Variants in IRF5 observed in about 807,000 individuals in gnomAD.
The protein encoded by IRF5 is interferon regulatory factor 5.
In IRF5, 24 loss-of-function variants were observed where a neutral mutation model predicts 55.1. That is an observed-to-expected ratio of 0.44 (90% CI 0.32 to 0.61). The LOEUF (loss-of-function observed/expected upper bound fraction) is 0.61, where lower values mean the gene tolerates loss of function less well. Ranked by LOEUF, IRF5 falls within the 20% of genes least tolerant of loss-of-function variation. The pLI is 0.07. For missense variants in IRF5, 499 were observed against 658.5 expected (o/e 0.76, Z 2.65); for synonymous variants, 258 against 260.2 (o/e 0.99, Z 0.08).
chr7:128,948,921 A>G lies in IRF5; in HGVS notation c.*103A>G. Reference sequence around the variant, plus strand: ...AGCACCTGGCTGGCTGCAGGGTCCTACCTCTGGGTTTCCTGGAAGTGGATT... The same window carrying G: ...AGCACCTGGCTGGCTGCAGGGTCCTGCCTCTGGGTTTCCTGGAAGTGGATT... On this transcript the variant is annotated 3_prime_UTR_variant, in exon 9 of 9. Coordinates refer to ENST00000357234, the MANE Select transcript of IRF5 (RefSeq NM_001098629.3). The surrounding 1 kb of genome is among the most constrained non-coding windows in gnomAD (Gnocchi z 4.6). 7.1e-7 allele frequency: 1 copy of G among 1,399,372 alleles called. No homozygotes were observed. 86.7% of individuals were successfully genotyped at this position (1,399,372 alleles called of 1,614,324 possible).
At chr7:128,942,382 A>G (rs1311517953) in intron 2 of IRF5, 106 bp downstream of exon 2, 8 of 943,714 alleles carry the variant, frequency 8.5e-6, no homozygotes, top group Non-Finnish European at 1.3e-5. Context: ...CCACCCGCCC[A>G]GCTACCATGC....
rs2230117 is a variant in IRF5, at chr7:128,947,991, T to G, written c.1050T>G (p.Leu350=). 3.5e-3 allele frequency: 5,718 copies of G among 1,614,142 alleles called. 19 individuals carry two copies. The highest frequency in any genetic ancestry group is 6.4e-3 in the Middle Eastern group (39 of 6,062). The part of the protein sequence containing the change: ...GLILQLQGQD[L]YAIRLCQCKV... ...TCCTCCAGCTACAGGGCCAGGACCT[T>G]TATGCCATCCGCCTGTGTCAGTGCA... Residue 350 remains leucine (L), a synonymous_variant, in exon 7 of 9, where the codon CTT becomes CTG. Transcript: ENST00000357234. The surrounding 1 kb of genome is among the most constrained non-coding windows in gnomAD (Gnocchi z 6.5).
rs1796481386 is a variant in IRF5, at chr7:128,948,912, C to T, written c.*94C>T. 1.4e-6 allele frequency: 2 copies of T among 1,462,322 alleles called. No individual in the cohort carries two copies. The highest frequency in any genetic ancestry group is 1.3e-5 in the South Asian group (1 of 77,090). 90.6% of individuals were successfully genotyped at this position (1,462,322 alleles called of 1,614,324 possible). ...GCCCCGATGAGCACCTGGCTGGCTG[C>T]AGGGTCCTACCTCTGGGTTTCCTGG... On this transcript the variant is annotated 3_prime_UTR_variant, in exon 9 of 9. Transcript: ENST00000357234. The surrounding 1 kb of genome is among the most constrained non-coding windows in gnomAD (Gnocchi z 4.6).
chr7:128,946,329 G>C lies in IRF5; in HGVS notation c.386-172G>C, dbSNP rs1004205214. Among the ~76,000 whole-genome samples the C allele has an allele frequency of 6.6e-6, 1 of 152,170 alleles. No homozygotes were observed. The highest frequency in any genetic ancestry group is 1.5e-5 in the Non-Finnish European group (1 of 68,028). The stretch of plus-strand genomic sequence containing the variant: ...CCTAGGTCTCATGGCCCATGGAGTC[G>C]GGGAGGTCTTTCCCAATCCTGGTGG... On this transcript the variant is annotated intron_variant, in intron 3 of 8. Coordinates refer to ENST00000357234, the MANE Select transcript of IRF5 (RefSeq NM_001098629.3). This position sits in a 1 kb window ranked among gnomAD's most constrained non-coding sequence, Gnocchi z 4.2.
In IRF5 at chr7:128,946,801, T is replaced by C. The variant is rs1796330840; in HGVS notation, c.448-222T>C. Reference sequence around the variant, plus strand: ...GCAGTTGGGGCTTGGTAGGTCTGACTCCCTGCAGAAGGCAAATGAGGAAAG... The same window carrying C: ...GCAGTTGGGGCTTGGTAGGTCTGACCCCCTGCAGAAGGCAAATGAGGAAAG... On this transcript the variant is annotated intron_variant, in intron 4 of 8. Coordinates refer to ENST00000357234, the MANE Select transcript of IRF5 (RefSeq NM_001098629.3). This position sits in a 1 kb window ranked among gnomAD's most constrained non-coding sequence, Gnocchi z 4.2. 1.5e-6 allele frequency: 1 copy of C among 661,276 alleles called. No individual in the cohort carries two copies. Among genetic ancestry groups the C allele is most frequent in the African/African-American group, 1.8e-5 (1 of 55,688 alleles). The allele number at this position is 661,276 out of a possible 1,614,324, so 41.0% of individuals were successfully genotyped here.
In IRF5 at chr7:128,945,875, G is replaced by C; in HGVS notation, c.226G>C (p.Glu76Gln). 1 of 1,612,780 alleles carries C rather than the reference G, an allele frequency of 6.2e-7. No individual in the cohort carries two copies. The highest frequency in any genetic ancestry group is 8.5e-7 in the Non-Finnish European group (1 of 1,179,658). Residue 76 changes from glutamate to glutamine, a missense_variant, in exon 3 of 9, where the codon GAA becomes CAA. By Grantham distance (29) the Glu-to-Gln change is conservative. This residue lies in a region of IRF5 where 305 missense variants were observed against 340.2 expected (regional missense o/e 0.90). Transcript: ENST00000357234. ...AWAKETGKYT[E>Q]GVDEADPAKW... ...GGCCAAGGAGACAGGGAAATACACC[G>C]AAGGCGTGGATGAAGCCGATCCGGC...
intron 1 of IRF5, chr7:128,940,121 C>G (rs55643109): frequency 6.6e-6 from 1 of 152,406 alleles, no homozygotes; most frequent in African/African-American, 2.4e-5. Flanking sequence ...GGGAGCTCCT[C>G]CTCCACACCC....
rs1796408687 is a variant in IRF5 at position 128,947,857 on chromosome 7, G to A, written c.916G>A (p.Gly306Ser). 6.2e-7 allele frequency: 1 copy of A among 1,613,990 alleles called. No individual in the cohort carries two copies. Among genetic ancestry groups the A allele is most frequent in the Non-Finnish European group, 8.5e-7 (1 of 1,180,000 alleles). The change falls in exon 7 of 9, where the codon GGC becomes AGC. Residue 306 changes from glycine to serine, a missense_variant. By Grantham distance (56) the Gly-to-Ser change is moderately conservative. Transcript: ENST00000357234. The surrounding 1 kb of genome is among the most constrained non-coding windows in gnomAD (Gnocchi z 6.5). ...EATQEQVELF[G>S]PISLEQVRFP... ...CACCCAGGAGCAGGTGGAACTCTTC[G>A]GCCCCATAAGCCTGGAGCAAGTGCG... is the stretch of plus-strand genomic sequence containing the variant.
intron 1 of IRF5, among the ~76,000 whole-genome samples, chr7:128,939,423 G>A (rs1271859511): frequency 3.3e-5 from 5 of 152,284 alleles, no homozygotes; most frequent in African/African-American, 1.2e-4. Context: ...GTCTGGACCA[G>A]GTGGGCAGCA....
Position 128,947,389 on chromosome 7 carries a change from GC to G in IRF5, c.646del (p.Leu216TrpfsTer40). On this transcript the variant is annotated frameshift_variant, in exon 6 of 9. Transcript: ENST00000357234. LOFTEE classifies it high-confidence loss of function. The surrounding 1 kb of genome is among the most constrained non-coding windows in gnomAD (Gnocchi z 6.5). ...CTGGGTCCCCCTGCTCCAGACCCCA[GC>G]CCCCTGGCTCCTCCCCCTGGCAACC... ...VVLGPPAPDP[S>X]PLAPPPGNPA... 1 of 1,610,538 alleles carries G rather than the reference GC, an allele frequency of 6.2e-7. No individual in the cohort carries two copies.
intron 1 of IRF5, among the ~76,000 whole-genome samples, chr7:128,938,472 C>A (rs1795852901): frequency 6.6e-6 from 1 of 152,182 alleles, no homozygotes; most frequent in South Asian, 2.1e-4. Context: ...CACAGAGGAG[C>A]GAGGCCCGAT....
chr7:128,945,302 C>G (rs148419938), intron 2 of IRF5, among the ~76,000 whole-genome samples: 1 of 152,138 alleles, frequency 6.6e-6, no homozygotes, highest in Non-Finnish European at 1.5e-5. Context: ...ACAGGAGTCT[C>G]GTTATGTTGC....
At position 128,942,351 on chromosome 7, in the gene IRF5, C is replaced by CA. The variant is rs1796074066; in HGVS notation, c.195+76dup. 7.7e-5 allele frequency: 106 copies of CA among 1,375,538 alleles called. 1 individual carries two copies. In the South Asian group the frequency reaches 1.5e-3, roughly 19 times the overall value. 85.2% of individuals were successfully genotyped at this position (1,375,538 alleles called of 1,614,324 possible). On this transcript the variant is annotated intron_variant, in intron 2 of 8. Transcript: ENST00000357234. ...AGAAGAGGAGCGCACATAACGCACACAGGCAGCTCCTCGAGGCTGGCCACC... is the reference window on the plus strand; with the variant it reads ...AGAAGAGGAGCGCACATAACGCACACAAGGCAGCTCCTCGAGGCTGGCCACC...
At chr7:128,943,095 T>A in intron 2 of IRF5, 1 of 168,384 alleles carries the variant, frequency 5.9e-6, no homozygotes, top group Non-Finnish European at 1.2e-5. Flanking sequence ...GTGCAGTGGC[T>A]TGATCTCAGC....
rs538018492 is a variant in IRF5 at position 128,947,765 on chromosome 7, G to A, written c.824G>A (p.Arg275Gln). 1.8e-5 allele frequency: 29 copies of A among 1,612,042 alleles called. No individual in the cohort carries two copies. The highest frequency in any genetic ancestry group is 6.7e-5 in the African/African-American group (5 of 74,962). ...GAGATCAAGTTTCAGTACCGGGGGC[G>A]GCCACCCCGGGCCCTCACCATCAGC... ...DLEIKFQYRG[R>Q]PPRALTISNP... Residue 275 changes from arginine (R) to glutamine (Q), a missense_variant, in exon 7 of 9, where the codon CGG becomes CAG. Transcript: ENST00000357234. The surrounding 1 kb of genome is among the most constrained non-coding windows in gnomAD (Gnocchi z 6.5).
At position 128,948,996 on chromosome 7, in the gene IRF5, CTTTCTCTCCTGGGCT is replaced by C; in HGVS notation, c.*179_*193del. ...GGCCCGAGCCCCTGCCTTCCCGGGC[CTTTCTCTCCTGGGCT>C]GTCTCTGGTCTGGTCAGCCTGGCTC... is the stretch of plus-strand genomic sequence containing the variant. On this transcript the variant is annotated 3_prime_UTR_variant, in exon 9 of 9. Coordinates refer to ENST00000357234, the MANE Select transcript of IRF5 (RefSeq NM_001098629.3). The surrounding 1 kb of genome is among the most constrained non-coding windows in gnomAD (Gnocchi z 4.6). 3 of 704,560 alleles carry C rather than the reference CTTTCTCTCCTGGGCT, an allele frequency of 4.3e-6. No homozygotes were observed. The highest frequency in any genetic ancestry group is 6.9e-6 in the Non-Finnish European group (3 of 433,176). The allele number at this position is 704,560 out of a possible 1,614,324, so 43.6% of individuals were successfully genotyped here. A position where few individuals can be genotyped will look rare whatever the true frequency, so the allele number is the denominator to read the frequency against.
In IRF5 at chr7:128,949,076, A is replaced by C. The variant is rs1796491292; in HGVS notation, c.*258A>C. 2 of 503,208 alleles carry C rather than the reference A, an allele frequency of 4.0e-6. No individual in the cohort carries two copies. The highest frequency in any genetic ancestry group is 1.9e-5 in the African/African-American group (1 of 51,924). The allele number at this position is 503,208 out of a possible 1,614,324, so 31.2% of individuals were successfully genotyped here. A position where few individuals can be genotyped will look rare whatever the true frequency, so the allele number is the denominator to read the frequency against. On this transcript the variant is annotated 3_prime_UTR_variant, in exon 9 of 9. Coordinates refer to ENST00000357234, the MANE Select transcript of IRF5 (RefSeq NM_001098629.3). ...CATGAGCAGGGAAAGAACTCTCCCA[A>C]CCCTGGGGCCTAGCTGTATAGGAGG...
In IRF5 at chr7:128,948,496, A is replaced by C; in HGVS notation, c.1300-77A>C. 6.3e-7 allele frequency: 1 copy of C among 1,576,796 alleles called. No homozygotes were observed. Among genetic ancestry groups the C allele is most frequent in the Non-Finnish European group, 8.6e-7 (1 of 1,158,934 alleles). On this transcript the variant is annotated intron_variant, in intron 8 of 8. Transcript: ENST00000357234. The surrounding 1 kb of genome is among the most constrained non-coding windows in gnomAD (Gnocchi z 4.6). Reference sequence around the variant, plus strand: ...GAATGCGGTCTATTACTCACCCCTGATGGCTGTCCTCATGCACAGCTGGAT... The same window carrying C: ...GAATGCGGTCTATTACTCACCCCTGCTGGCTGTCCTCATGCACAGCTGGAT...
rs1407817094 is a variant in IRF5 at position 128,948,718 on chromosome 7, A to C, written c.1445A>C (p.Gln482Pro). Residue 482 changes from glutamine (Q) to proline (P), a missense_variant, in exon 9 of 9, where the codon CAG (glutamine) becomes CCG (proline). Gln to Pro is a moderately conservative substitution (Grantham distance 76). Coordinates refer to ENST00000357234, the MANE Select transcript of IRF5 (RefSeq NM_001098629.3). This position sits in a 1 kb window ranked among gnomAD's most constrained non-coding sequence, Gnocchi z 4.6. ...TTCAAGGAGCTCCATCACATCTGGC[A>C]GTCCCAGCAGCGGTTGCAGCCTGTG... ...EQFKELHHIW[Q>P]SQQRLQPVAQ... 1.2e-6 allele frequency: 2 copies of C among 1,614,042 alleles called. No individual in the cohort carries two copies. Among genetic ancestry groups the C allele is most frequent in the Admixed American group, 3.3e-5 (2 of 60,028 alleles).
Sources: allele counts gnomAD v4.1 joint callset (sites outside exome capture counted in the v4.1 genomes callset), GRCh38; gene constraint gnomAD v4.1.1; regional missense constraint gnomAD v4.1.1; non-coding constraint Gnocchi (gnomAD v3.1); transcripts MANE v1.5; gene names NCBI Gene and HGNC (gene_info 2026-07-23, HGNC 2026-07-21).